The following ITPR1 variants were observed in gnomAD, a reference collection of about 807,000 sequenced individuals.
ITPR1 encodes the protein inositol 1,4,5-trisphosphate-gated calcium channel ITPR1.
A neutral mutation model predicts 318.4 loss-of-function variants in ITPR1; 96 were observed. The ratio of observed to expected loss-of-function variants is 0.30; its 90% CI spans 0.26 to 0.36. ITPR1 has a LOEUF of 0.36. ITPR1 is among the 10% of genes least tolerant of loss of function. The pLI is 1.00. For synonymous variants in ITPR1, 1,312 were observed against 1,289.9 expected (o/e 1.02, Z -0.37); for missense variants, 2,440 against 3,460.2 (o/e 0.71, Z 7.40).
Position 4,826,182 on chromosome 3 carries a change from G to C in ITPR1, c.8028+7940G>C, listed in dbSNP as rs1160258339. 7.9e-5 allele frequency among the ~76,000 whole-genome samples: 12 copies of C among 152,272 alleles called. No individual in the cohort carries two copies. Among genetic ancestry groups the C allele is most frequent in the Non-Finnish European group, 1.3e-4 (9 of 68,046 alleles). On this transcript the variant is annotated intron_variant, in intron 60 of 61. Transcript: ENST00000649015. The surrounding 1 kb of genome is among the most constrained non-coding windows in gnomAD (Gnocchi z 4.2). Reference sequence around the variant, plus strand: ...CTTCTGCTTCGTGCAGATGCACGATGATGGGTTTGGGCTTTTATTCTGAAT... The same window carrying C: ...CTTCTGCTTCGTGCAGATGCACGATCATGGGTTTGGGCTTTTATTCTGAAT...
intron 38 of ITPR1, 148 bp from the exon 39 acceptor site, chr3:4,711,609 T>C: frequency 3.3e-6 from 2 of 614,498 alleles, no homozygotes; most frequent in Non-Finnish European, 5.8e-6. Context: ...CTGTTCTCAG[T>C]GCAGGGAATG....
chr3:4,710,574 T>G lies in ITPR1; in HGVS notation c.4991+101T>G, dbSNP rs1055577708. 3.3e-6 allele frequency: 4 copies of G among 1,203,602 alleles called. No homozygotes were observed. Among genetic ancestry groups the G allele is most frequent in the Non-Finnish European group, 4.6e-6 (4 of 864,474 alleles). 74.6% of individuals were successfully genotyped at this position (1,203,602 alleles called of 1,614,324 possible). A position where few individuals can be genotyped will look rare whatever the true frequency, so the allele number is the denominator to read the frequency against. The stretch of plus-strand genomic sequence containing the variant: ...GGAGACGTTGTCCTGTTTTTTAACT[T>G]TGATGAATGCAAGGTCATGTGCTAA... On this transcript the variant is annotated intron_variant, in intron 38 of 61. Coordinates refer to ENST00000649015, the MANE Select transcript of ITPR1 (RefSeq NM_001378452.1). The surrounding 1 kb of genome is among the most constrained non-coding windows in gnomAD (Gnocchi z 4.2).
At chr3:4,800,328 A>C in intron 53 of ITPR1, 97 bp from the exon 54 acceptor site, 2 of 1,313,804 alleles carry the variant, frequency 1.5e-6, no homozygotes, top group South Asian at 1.4e-5. Context: ...AAGCCAAAAA[A>C]GTTATTGAGG....
intron 4 of ITPR1, among the ~76,000 whole-genome samples, chr3:4,521,727 G>T (rs2082584308): frequency 1.3e-5 from 2 of 152,070 alleles, no homozygotes; most frequent in African/African-American, 4.8e-5. Flanking sequence ...AAATTAGCTG[G>T]GTGTGGTAGC....
intron 5 of ITPR1, 77 bp from the exon 6 acceptor site, chr3:4,639,307 C>CA: frequency 9.0e-7 from 1 of 1,106,844 alleles, no homozygotes. Flanking sequence ...GAACTGGCGA[C>CA]ATTTGTTCTG....
At chr3:4,632,006 G>A (rs1465440513) in intron 5 of ITPR1, among the ~76,000 whole-genome samples, 1 of 152,186 alleles carries the variant, frequency 6.6e-6, no homozygotes, top group Non-Finnish European at 1.5e-5. Flanking sequence ...AATTGTATGG[G>A]ATAAATGATG....
chr3:4,822,210 C>T (rs1037175132), intron 60 of ITPR1, among the ~76,000 whole-genome samples: 35 of 152,140 alleles, frequency 2.3e-4, no homozygotes, highest in African/African-American at 7.7e-4. Context: ...GAGGCATGCA[C>T]AGAGGGAGGG....
Position 4,645,766 on chromosome 3 carries a change from G to A in ITPR1, c.855+38G>A, listed in dbSNP as rs534536882. 8.9e-5 allele frequency: 140 copies of A among 1,575,946 alleles called. No homozygotes were observed. In the South Asian group the frequency reaches 1.5e-3, roughly 17 times the overall value. ...TGGAGAAAGGGCTCCTGGGTTTAGA[G>A]GATATCAGCCTGTATATAGGCTCTC... On this transcript the variant is annotated intron_variant, in intron 10 of 61. Coordinates refer to ENST00000649015, the MANE Select transcript of ITPR1 (RefSeq NM_001378452.1).
intron 5 of ITPR1, among the ~76,000 whole-genome samples, chr3:4,628,716 C>T (rs2092919947): frequency 6.6e-6 from 1 of 152,232 alleles, no homozygotes; most frequent in South Asian, 2.1e-4. Flanking sequence ...GGGCCCAGGT[C>T]TGTGTCAGTG....
In ITPR1 at chr3:4,658,134, A is replaced by C; in HGVS notation, c.1007A>C (p.Asp336Ala). 1 of 1,612,592 alleles carries C rather than the reference A, an allele frequency of 6.2e-7. No homozygotes were observed. The change falls in exon 13 of 62, where the codon GAT (aspartate) becomes GCT (alanine). Residue 336 changes from aspartate to alanine, a missense_variant. Asp to Ala is a moderately radical substitution (Grantham distance 126, BLOSUM62 -2). This residue lies in a region of ITPR1 where 101 missense variants were observed against 119.6 expected (regional missense o/e 0.84). Transcript: ENST00000649015. ...ACTTTACCTCCTCAGGTGGACCCTG[A>C]TCAGGACGCCTCTCGAAGTAGGTTG... ...CLEFQPSVDP[D>A]QDASRSRLRN...
At chr3:4,588,937 C>G (rs927859450) in intron 4 of ITPR1, among the ~76,000 whole-genome samples, 1 of 152,200 alleles carries the variant, frequency 6.6e-6, no homozygotes, top group Non-Finnish European at 1.5e-5. Context: ...CTACTTCTCA[C>G]CACCTAGTCT....
intron 37 of ITPR1, among the ~76,000 whole-genome samples, chr3:4,708,964 T>A (rs1042923343): frequency 6.6e-6 from 1 of 152,252 alleles, no homozygotes; most frequent in African/African-American, 2.4e-5. Flanking sequence ...CATTTGACAG[T>A]ACAATGCAAA....
chr3:4,775,510 G>T, intron 47 of ITPR1, 68 bp downstream of exon 47: 2 of 1,234,336 alleles, frequency 1.6e-6, no homozygotes, highest in Middle Eastern at 1.9e-4. Context: ...ATAGAGACTA[G>T]TTCAGAAATC....
At chr3:4,806,365 G>T (rs2048553652) in intron 55 of ITPR1, 98 bp downstream of exon 55, 3 of 1,171,772 alleles carry the variant, frequency 2.6e-6, no homozygotes, top group Admixed American at 3.7e-5. Context: ...AATGGTGATT[G>T]GTGTGCCTGG....
At chr3:4,655,352 C>T (rs753439451) in intron 12 of ITPR1, among the ~76,000 whole-genome samples, 1 of 152,140 alleles carries the variant, frequency 6.6e-6, no homozygotes, top group Non-Finnish European at 1.5e-5. Flanking sequence ...TAGAGGGCTG[C>T]TCTCCTGGCC....
chr3:4,733,317 TG>T, intron 43 of ITPR1, 97 bp downstream of exon 43: 4 of 1,399,090 alleles, frequency 2.9e-6, no homozygotes, highest in Non-Finnish European at 3.9e-6. Context: ...TCACAACAGA[TG>T]AATTTGTGTT....
chr3:4,613,600 C>G (rs563493316), intron 4 of ITPR1, among the ~76,000 whole-genome samples: 34 of 152,196 alleles, frequency 2.2e-4, no homozygotes, highest in Non-Finnish European at 4.6e-4. Flanking sequence ...CTCTCTTCTG[C>G]CTTTCTCTCT....
In ITPR1 at chr3:4,836,784, T is replaced by A; in HGVS notation, c.8039T>A (p.Leu2680His). Residue 2680 changes from leucine to histidine, a missense_variant, in exon 61 of 62, where the codon CTT becomes CAT. Physicochemically the swap from Leu to His is moderately conservative, Grantham distance 99. Transcript: ENST00000649015. ...YVAEMIKERN[L>H]DWFPRMRAMS... is the part of the protein sequence containing the mutation. Reference sequence around the variant, plus strand: ...TAATGTGGATTCTAGGAAAGAAACCTTGACTGGTTCCCCAGGATGAGAGCC... The same window carrying A: ...TAATGTGGATTCTAGGAAAGAAACCATGACTGGTTCCCCAGGATGAGAGCC... 1 of 1,373,300 alleles carries A rather than the reference T, an allele frequency of 7.3e-7. No homozygotes were observed. The highest frequency in any genetic ancestry group is 9.6e-7 in the Non-Finnish European group (1 of 1,044,068). The allele number at this position is 1,373,300 out of a possible 1,614,324, so 85.1% of individuals were successfully genotyped here.
rs376354124 is a variant in ITPR1, at chr3:4,520,496, A to G, written c.93-528A>G. Among the ~76,000 whole-genome samples the G allele has an allele frequency of 7.2e-5, 11 of 152,298 alleles. No homozygotes were observed. In the East Asian group the frequency reaches 1.7e-3, roughly 24 times the overall value. ...TTTCGAATCTTCCAGTAGTTCCATT[A>G]GAACTTCCTCTGTCTGCAGCTTCTC... On this transcript the variant is annotated intron_variant, in intron 3 of 61. Coordinates refer to ENST00000649015, the MANE Select transcript of ITPR1 (RefSeq NM_001378452.1).
Sources: allele counts gnomAD v4.1 joint callset (sites outside exome capture counted in the v4.1 genomes callset), GRCh38; gene constraint gnomAD v4.1.1; regional missense constraint gnomAD v4.1.1; non-coding constraint Gnocchi (gnomAD v3.1); transcripts MANE v1.5; gene names NCBI Gene and HGNC (gene_info 2026-07-23, HGNC 2026-07-21).